The following RBMX2 variants were observed in gnomAD, a reference collection of about 807,000 sequenced individuals.
The protein encoded by RBMX2 is RNA-binding motif protein, X-linked 2.
For missense variants in RBMX2, 191 were observed against 256.0 expected (o/e 0.75, Z 1.73); for synonymous variants, 77 against 94.3 (o/e 0.82, Z 1.07).
intron 1 of RBMX2, 106 bp from the exon 2 acceptor site, chrX:130,402,149 C>A (rs1172547259): frequency 1.7e-6 from 2 of 1,159,348 alleles, no homozygotes; most frequent in African/African-American, 3.6e-5. Flanking sequence ...GGCGCGGGGA[C>A]TGGAACAGCT....
chrX:130,408,537 A>C (rs2034496700), intron 3 of RBMX2, among the ~76,000 whole-genome samples: 1 of 110,789 alleles, frequency 9.0e-6, no homozygotes, highest in South Asian at 3.8e-4. Context: ...TGTTGTTAGG[A>C]GAGTAGCTTT....
intron 3 of RBMX2, among the ~76,000 whole-genome samples, chrX:130,408,719 A>G (rs1041235724): frequency 2.7e-5 from 3 of 112,020 alleles, no homozygotes; most frequent in African/African-American, 9.7e-5. Flanking sequence ...TGAAAATGTC[A>G]TCTTGTAGGA....
At chrX:130,409,233 C>T in intron 3 of RBMX2, 24 bp from the exon 4 acceptor site, 2 of 1,181,083 alleles carry the variant, frequency 1.7e-6, no homozygotes, top group Non-Finnish European at 2.3e-6. Context: ...TCAACAGTGT[C>T]TTACTCTTTT....
At chrX:130,405,074 G>A (rs2034477238) in intron 3 of RBMX2, among the ~76,000 whole-genome samples, 1 of 112,137 alleles carries the variant, frequency 8.9e-6, no homozygotes, top group African/African-American at 3.2e-5. Context: ...TGATAACAGT[G>A]CCTTTCAAAA....
chrX:130,406,576 G>T (rs2124786072), intron 3 of RBMX2, among the ~76,000 whole-genome samples: 1 of 108,897 alleles, frequency 9.2e-6, no homozygotes, highest in African/African-American at 3.4e-5. Flanking sequence ...TGGAGGCCAA[G>T]GCAGGAGAAT....
chrX:130,402,488 C>T, intron 2 of RBMX2, 118 bp downstream of exon 2: 7 of 1,074,264 alleles, frequency 6.5e-6, no homozygotes, highest in Non-Finnish European at 8.6e-6. Flanking sequence ...TCATATCCAT[C>T]TGCTGTCTGC....
chrX:130,402,225 A>AGCCACCC, intron 1 of RBMX2, 30 bp from the exon 2 acceptor site: 4 of 984,756 alleles, frequency 4.1e-6, no homozygotes, highest in Non-Finnish European at 2.8e-6. Context: ...TTTTCTGCCT[A>AGCCACCC]CCCTCCCCAC....
chrX:130,412,559 C>T lies in RBMX2; in HGVS notation c.680C>T (p.Ser227Phe). The T allele has an allele frequency of 1.7e-6, 2 of 1,208,864 alleles. No homozygotes were observed. Among genetic ancestry groups the T allele is most frequent in the Non-Finnish European group, 2.2e-6 (2 of 894,793 alleles). Residue 227 changes from serine to phenylalanine, a missense_variant, in exon 6 of 6, where the codon TCC becomes TTC. By Grantham distance (155) the Ser-to-Phe change is radical. Coordinates refer to ENST00000305536, the MANE Select transcript of RBMX2 (RefSeq NM_016024.4). ...EPREGQKLPK[S>F]RTAYSGGAED... ...AGGGAGGGGCAGAAGCTCCCCAAAT[C>T]CAGGACGGCCTACTCTGGTGGAGCA...
intron 5 of RBMX2, 94 bp downstream of exon 5, chrX:130,411,619 A>G (rs1209136699): frequency 1.2e-6 from 1 of 859,207 alleles, no homozygotes; most frequent in Non-Finnish European, 1.6e-6. Flanking sequence ...TCAAGTGTGA[A>G]AGGGGAAGGT....
chrX:130,405,833 CTTTTTTTTTTTTTTTTTTTTTT>C (rs770753173), intron 3 of RBMX2, among the ~76,000 whole-genome samples: 5 of 24,630 alleles, frequency 2.0e-4, no homozygotes, highest in South Asian at 2.5e-3. Flanking sequence ...TTTGCTTTGC[CTTTTTTTTTTTTTTTTTTTTTT>C]TTTTTTTTTT....
chrX:130,403,652 C>T (rs1480721416), intron 2 of RBMX2, 150 bp from the exon 3 acceptor site: 16 of 523,101 alleles, frequency 3.1e-5, no homozygotes, highest in African/African-American at 1.6e-4. Flanking sequence ...GGATTACAGG[C>T]GTGAGCCACG....
intron 1 of RBMX2, 21 bp from the exon 2 acceptor site, chrX:130,402,234 A>ACCCCCCC: frequency 4.2e-5 from 25 of 590,978 alleles, no homozygotes; most frequent in African/African-American, 2.0e-4. Context: ...TACCCTCCCC[A>ACCCCCCC]CCCCCCCCGC....
In RBMX2 at chrX:130,402,031, A is replaced by G; in HGVS notation, c.-2A>G. 2 of 1,198,378 alleles carry G rather than the reference A, an allele frequency of 1.7e-6. No individual in the cohort carries two copies. Among genetic ancestry groups the G allele is most frequent in the Non-Finnish European group, 2.3e-6 (2 of 888,830 alleles). On this transcript the variant is annotated 5_prime_UTR_variant, in exon 1 of 6. Coordinates refer to ENST00000305536, the MANE Select transcript of RBMX2 (RefSeq NM_016024.4). ...CTGAGTGCTGAGCGCGAACCCGAGG[A>G]GATGAAGTAAGGCGTCAGCTTCCTT...
chrX:130,405,252 G>A (rs1038558778), intron 3 of RBMX2, among the ~76,000 whole-genome samples: 7 of 109,642 alleles, frequency 6.4e-5, no homozygotes, highest in African/African-American at 1.7e-4. Flanking sequence ...GGTGGTGCGC[G>A]CCTGTAATCC....
rs1456122481 is a variant in RBMX2 at position 130,412,444 on chromosome X, C to G, written c.565C>G (p.Pro189Ala). The change falls in exon 6 of 6, where the codon CCC (proline) becomes GCC (alanine). Residue 189 changes from proline (P) to alanine (A), a missense_variant. Coordinates refer to ENST00000305536, the MANE Select transcript of RBMX2 (RefSeq NM_016024.4). ...VQAEQPSSSS[P>A]RRKTVKEKDD... ...GGCAGAGCAACCATCCTCTTCGTCA[C>G]CCAGACGCAAGACAGTAAAGGAAAA... 12 of 1,206,455 alleles carry G rather than the reference C, an allele frequency of 9.9e-6. No individual in the cohort carries two copies. Among genetic ancestry groups the G allele is most frequent in the Non-Finnish European group, 1.3e-5 (12 of 894,359 alleles).
At chrX:130,409,792 AGC>A (rs1371669189) in intron 4 of RBMX2, among the ~76,000 whole-genome samples, 1 of 111,855 alleles carries the variant, frequency 8.9e-6, no homozygotes, top group Non-Finnish European at 1.9e-5. Flanking sequence ...TCTAGTACAT[AGC>A]CATGTATGTC....
rs2034511951 is a variant in RBMX2 at position 130,411,472 on chromosome X, C to T, written c.428C>T (p.Pro143Leu). The T allele has an allele frequency of 8.3e-7, 1 of 1,203,002 alleles. No homozygotes were observed. The highest frequency in any genetic ancestry group is 1.8e-5 in the African/African-American group (1 of 56,695). The change falls in exon 5 of 6, where the codon CCA becomes CTA. Residue 143 changes from proline to leucine, a missense_variant. Pro to Leu is a moderately conservative substitution (Grantham distance 98, BLOSUM62 -3). Coordinates refer to ENST00000305536, the MANE Select transcript of RBMX2 (RefSeq NM_016024.4). ...EKGCGARTPS[P>L]SLSESSEDEK... ...GGCTGTGGGGCTCGTACCCCCTCACCAAGTTTGTCTGAGAGCTCTGAAGAT... is the reference window on the plus strand; with the variant it reads ...GGCTGTGGGGCTCGTACCCCCTCACTAAGTTTGTCTGAGAGCTCTGAAGAT...
intron 4 of RBMX2, among the ~76,000 whole-genome samples, chrX:130,410,892 T>A (rs755407218): frequency 8.9e-6 from 1 of 112,141 alleles, no homozygotes; most frequent in Non-Finnish European, 1.9e-5. Flanking sequence ...AGAAAGCAGT[T>A]GTAGCATTAA....
At chrX:130,406,932 T>C (rs2034488671) in intron 3 of RBMX2, among the ~76,000 whole-genome samples, 1 of 111,444 alleles carries the variant, frequency 9.0e-6, no homozygotes, top group South Asian at 3.8e-4. Context: ...ATTTTCCACT[T>C]GTGATACCAT....
Sources: gnomAD v4.1 joint callset for allele counts (sites outside exome capture counted in the v4.1 genomes callset) on GRCh38, gnomAD v4.1.1 for gene constraint, MANE v1.5 for transcripts, NCBI Gene and HGNC (gene_info 2026-07-23, HGNC 2026-07-21) for gene names.